The following P2RX5 variants were observed in gnomAD, a reference collection of about 807,000 sequenced individuals.
P2RX5 encodes the protein P2X purinoceptor 5.
Under a neutral mutation model 54.1 loss-of-function variants are expected in P2RX5, and 46 were observed. The observed-to-expected ratio is 0.85, with a 90% CI of 0.67 to 1.09. P2RX5 has a LOEUF of 1.09. P2RX5 is among the 50% of genes least tolerant of loss of function. P2RX5 has a pLI of 0.00. For missense variants in P2RX5, 566 were observed against 549.8 expected (o/e 1.03, Z -0.29); for synonymous variants, 226 against 226.4 (o/e 1.00, Z 0.02).
At chr17:3,714,796 G>T in the P2RX5 span, 5 of 999,832 alleles carry the variant, frequency 5.0e-6, no homozygotes, top group Non-Finnish European at 7.9e-6. Flanking sequence ...AGGATGCTGG[G>T]TCTCCAAGTC....
intron 10 of P2RX5, 109 bp from the exon 11 acceptor site, chr17:3,679,893 G>T: frequency 1.1e-6 from 1 of 916,600 alleles, no homozygotes; most frequent in Non-Finnish European, 1.7e-6. Flanking sequence ...CCGCCACCCT[G>T]CTTCCTCCAG....
the P2RX5 span, chr17:3,716,697 G>A: frequency 6.3e-7 from 1 of 1,589,356 alleles, no homozygotes; most frequent in Non-Finnish European, 8.6e-7. Context: ...CCTTGAACAG[G>A]ATGACCAGAA....
intron 1 of P2RX5, chr17:3,692,071 G>A (rs1033112527): frequency 1.7e-5 from 8 of 465,686 alleles, no homozygotes; most frequent in Non-Finnish European, 2.8e-5. Flanking sequence ...CCTATAATCC[G>A]AGGCAGGCAG....
Position 3,673,468 on chromosome 17 carries a change from G to T in P2RX5, c.*400C>A. ...GGGGAGTGGGCTGGAACCAAATGGA[G>T]CCCTTTTCCGGACACGCACAATGCT... On this transcript the variant is annotated 3_prime_UTR_variant, in exon 12 of 12. Transcript: ENST00000225328. 1.8e-6 allele frequency: 2 copies of T among 1,115,324 alleles called. No individual in the cohort carries two copies. Among genetic ancestry groups the T allele is most frequent in the Non-Finnish European group, 2.2e-6 (2 of 906,472 alleles). 69.1% of individuals were successfully genotyped at this position (1,115,324 alleles called of 1,614,324 possible).
intron 1 of P2RX5, 42 bp downstream of exon 1, chr17:3,695,827 C>T: frequency 6.3e-7 from 1 of 1,593,648 alleles, no homozygotes; most frequent in South Asian, 1.1e-5. Context: ...GGCACCCGCC[C>T]TGCCCCTCCC....
chr17:3,714,655 T>TACCA, the P2RX5 span: 1 of 451,046 alleles, frequency 2.2e-6, no homozygotes, highest in East Asian at 3.5e-5. Flanking sequence ...ATTTATTTAA[T>TACCA]ACCAAATGTT....
chr17:3,706,883 T>G, the P2RX5 span, among the ~76,000 whole-genome samples: 5 of 152,236 alleles, frequency 3.3e-5, no homozygotes, highest in South Asian at 2.1e-4. Flanking sequence ...GTGCTGGGAT[T>G]ACAGGCGTGC....
rs1425427876 is a variant in P2RX5, at chr17:3,673,377, T to C, written c.*491A>G. 7 of 1,031,274 alleles carry C rather than the reference T, an allele frequency of 6.8e-6. No homozygotes were observed. Among genetic ancestry groups the C allele is most frequent in the Admixed American group, 5.0e-5 (1 of 20,030 alleles). 63.9% of individuals were successfully genotyped at this position (1,031,274 alleles called of 1,614,324 possible). ...AAACAGCTGGCAGGAAGGTGGTGTC[T>C]TTAGGAGAGAGAGTACTTGGATCCA... is the stretch of plus-strand genomic sequence containing the variant. On this transcript the variant is annotated 3_prime_UTR_variant, in exon 12 of 12. Transcript: ENST00000225328.
chr17:3,720,673 G>GT, the P2RX5 span: 8 of 254,124 alleles, frequency 3.1e-5, no homozygotes, highest in Non-Finnish European at 5.3e-5. Context: ...CCTCCACCCC[G>GT]TCAGGTTCAA....
the P2RX5 span, chr17:3,721,774 G>C: frequency 6.6e-6 from 1 of 152,192 alleles, no homozygotes; most frequent in Non-Finnish European, 1.5e-5. Context: ...GGCCGGGTGT[G>C]GTGGCTCATG....
In P2RX5 at chr17:3,673,272, C is replaced by T. The variant is rs1198072766; in HGVS notation, c.*596G>A. ...TTGTTTTATGACCAAATAAGAGTGT[C>T]AGAGAATACATATCTTGGGCAGGTC... On this transcript the variant is annotated 3_prime_UTR_variant, in exon 12 of 12. Transcript: ENST00000225328. The T allele has an allele frequency of 1.0e-6, 1 of 990,680 alleles. No individual in the cohort carries two copies. The highest frequency in any genetic ancestry group is 1.2e-6 in the Non-Finnish European group (1 of 832,582). 61.4% of individuals were successfully genotyped at this position (990,680 alleles called of 1,614,324 possible). A position where few individuals can be genotyped will look rare whatever the true frequency, so the allele number is the denominator to read the frequency against.
the P2RX5 span, among the ~76,000 whole-genome samples, chr17:3,703,013 C>T: frequency 6.6e-6 from 1 of 152,198 alleles, no homozygotes; most frequent in East Asian, 1.9e-4. Context: ...GAGCCTCAGA[C>T]AGAGCCCTCC....
At chr17:3,695,349 G>A (rs114732310) in intron 1 of P2RX5, among the ~76,000 whole-genome samples, 4 of 152,246 alleles carry the variant, frequency 2.6e-5, no homozygotes, top group African/African-American at 9.6e-5. Context: ...CACCAGAGAG[G>A]CTGGCCGCGG....
At position 3,677,142 on chromosome 17, in the gene P2RX5, C is replaced by T. The variant is rs1209512496; in HGVS notation, c.1259+2448G>A. On this transcript the variant is annotated intron_variant, in intron 11 of 11. Coordinates refer to ENST00000225328, the MANE Select transcript of P2RX5 (RefSeq NM_002561.4). ...TGAGGGTGCGGTAGGTGGGTGTGGC[C>T]GTGGCATAAGACAGGTGGGGACGGA... 10 of 985,242 alleles carry T rather than the reference C, an allele frequency of 1.0e-5. No individual in the cohort carries two copies. The African/African-American group carries it at 1.0e-4, about 10-fold the overall frequency. 61.0% of individuals were successfully genotyped at this position (985,242 alleles called of 1,614,324 possible). A position where few individuals can be genotyped will look rare whatever the true frequency, so the allele number is the denominator to read the frequency against.
chr17:3,699,922 GAAAGAAAGAAA>G (rs1567744413), upstream of P2RX5, among the ~76,000 whole-genome samples: 249 of 64,152 alleles, frequency 3.9e-3, 1 homozygote, highest in African/African-American at 9.9e-3. Context: ...AGGAAGGAAA[GAAAGAAAGAAA>G]GAAAGAAAGA....
the P2RX5 span, among the ~76,000 whole-genome samples, chr17:3,712,574 A>G: frequency 6.6e-6 from 1 of 152,252 alleles, no homozygotes; most frequent in African/African-American, 2.4e-5. Context: ...AATATCAGAA[A>G]GACTCCAAAT....
chr17:3,719,229 C>T, the P2RX5 span, among the ~76,000 whole-genome samples: 1 of 84,784 alleles, frequency 1.2e-5, no homozygotes, highest in Non-Finnish European at 1.9e-5. Flanking sequence ...CAGTGAGATT[C>T]TTCCTCAAAA....
chr17:3,723,783 C>A, the P2RX5 span: 1 of 1,601,068 alleles, frequency 6.2e-7, no homozygotes. Flanking sequence ...CTGAACAAAC[C>A]AAGCCGCCAG....
intron 9 of P2RX5, chr17:3,682,495 A>G (rs970243781): frequency 2.0e-5 from 4 of 201,000 alleles, no homozygotes; most frequent in Non-Finnish European, 4.2e-5. Flanking sequence ...AGCCTGTCAC[A>G]TCTGGGAAAT....
Sources: allele counts gnomAD v4.1 joint callset (sites outside exome capture counted in the v4.1 genomes callset), GRCh38; gene constraint gnomAD v4.1.1; transcripts MANE v1.5; gene names NCBI Gene and HGNC (gene_info 2026-07-23, HGNC 2026-07-21).